Variants in CCDC180 observed in about 807,000 individuals in gnomAD.
CCDC180 encodes coiled-coil domain-containing protein 180.
Under a neutral mutation model 209.2 loss-of-function variants are expected in CCDC180, and 154 were observed. The observed-to-expected ratio is 0.74, with a 90% CI of 0.65 to 0.84. The LOEUF is 0.84. Among genes scored for constraint, CCDC180 ranks in the 40% least tolerant of loss-of-function variants. The pLI is 0.00. For missense variants in CCDC180, 1,874 were observed against 1,997.3 expected (o/e 0.94, Z 1.18); for synonymous variants, 778 against 749.1 (o/e 1.04, Z -0.63).
Position 97,366,741 on chromosome 9 carries a change from G to A in CCDC180, c.4189+41G>A, listed in dbSNP as rs779532357. 6.2e-7 allele frequency: 1 copy of A among 1,603,174 alleles called. No individual in the cohort carries two copies. Among genetic ancestry groups the A allele is most frequent in the South Asian group, 1.1e-5 (1 of 89,376 alleles). ...AGGAAGGCACGGGGAACAGGGCGGG[G>A]CGCGAAGCCAGTGGTGGAGCTCGGC... On this transcript the variant is annotated intron_variant, in intron 31 of 36. Transcript: ENST00000529487. The surrounding 1 kb of genome is among the most constrained non-coding windows in gnomAD (Gnocchi z 4.3).
intron 12 of CCDC180, 22 bp downstream of exon 12, chr9:97,322,943 C>G (rs1160024081): frequency 1.2e-6 from 2 of 1,603,712 alleles, no homozygotes; most frequent in Non-Finnish European, 8.5e-7. Context: ...TCCTGCAGGC[C>G]TGAGAAGAGG....
rs997033364 is a variant in CCDC180, at chr9:97,343,248, G to C, written c.2275-92G>C. ...GCCCATAATCTTGGCCCAAAATTTGGTTTACAACCTCTGATATCAAGGAAC... is the reference window on the plus strand; with the variant it reads ...GCCCATAATCTTGGCCCAAAATTTGCTTTACAACCTCTGATATCAAGGAAC... On this transcript the variant is annotated intron_variant, in intron 18 of 36. Coordinates refer to ENST00000529487, the MANE Select transcript of CCDC180 (RefSeq NM_020893.6). The C allele has an allele frequency of 9.7e-6, 8 of 820,592 alleles. No homozygotes were observed. In the African/African-American group the frequency reaches 1.4e-4, roughly 14 times the overall value. 50.8% of individuals were successfully genotyped at this position (820,592 alleles called of 1,614,324 possible).
chr9:97,351,624 G>A (rs1367006438), intron 22 of CCDC180, among the ~76,000 whole-genome samples: 1 of 152,080 alleles, frequency 6.6e-6, no homozygotes, highest in East Asian at 1.9e-4. Context: ...AGTACAAAGT[G>A]GAAGCCCTCC....
intron 18 of CCDC180, among the ~76,000 whole-genome samples, chr9:97,334,415 C>T (rs566472278): frequency 3.9e-5 from 6 of 152,124 alleles, no homozygotes; most frequent in African/African-American, 9.7e-5. Flanking sequence ...GTATAGACAA[C>T]GAATCTGAGA....
rs762673247 is a variant in CCDC180 at position 97,308,088 on chromosome 9, C to A, written c.25C>A (p.Gln9Lys). The part of the protein sequence containing the change: MSSVGKVT[Q>K]VPNGKAYQQI... ...GATGTCGTCAGTGGGGAAGGTGACC[C>A]AGGTTCCGAATGGGAAAGCCTACCA... is the stretch of plus-strand genomic sequence containing the variant. Residue 9 changes from glutamine (Q) to lysine (K), a missense_variant, in exon 2 of 37, where the codon CAG (glutamine) becomes AAG (lysine). Gln to Lys is a moderately conservative substitution (Grantham distance 53). Coordinates refer to ENST00000529487, the MANE Select transcript of CCDC180 (RefSeq NM_020893.6). The A allele has an allele frequency of 6.2e-7, 1 of 1,613,106 alleles. No individual in the cohort carries two copies. Among genetic ancestry groups the A allele is most frequent in the South Asian group, 1.1e-5 (1 of 90,916 alleles).
intron 18 of CCDC180, among the ~76,000 whole-genome samples, chr9:97,338,414 T>C (rs1282888311): frequency 6.6e-6 from 1 of 152,206 alleles, no homozygotes; most frequent in Non-Finnish European, 1.5e-5. Context: ...TTCATTTCGT[T>C]ATTTACCTGG....
intron 3 of CCDC180, among the ~76,000 whole-genome samples, chr9:97,309,871 TA>T (rs1160246917): frequency 6.6e-6 from 1 of 151,960 alleles, no homozygotes; most frequent in African/African-American, 2.4e-5. Flanking sequence ...ACCTCGAAAG[TA>T]AATAAATAAG....
intron 11 of CCDC180, among the ~76,000 whole-genome samples, chr9:97,322,629 G>A (rs1167289724): frequency 6.6e-6 from 1 of 152,200 alleles, no homozygotes; most frequent in Non-Finnish European, 1.5e-5. Flanking sequence ...AACAGATAAG[G>A]ACAAGCTCTT....
Position 97,357,673 on chromosome 9 carries a change from A to T in CCDC180, c.3311A>T (p.Gln1104Leu), listed in dbSNP as rs761863567. 4.3e-6 allele frequency: 7 copies of T among 1,613,730 alleles called. No individual in the cohort carries two copies. In the South Asian group the frequency reaches 7.7e-5, roughly 18 times the overall value. ...SQTNGLNFSL[Q>L]QLQNKIKTCQ... ...ACAAATGGATTAAATTTCTCTCTGC[A>T]ACAGCTTCAGAACAAGATAAAAACT... The change falls in exon 25 of 37, where the codon CAA becomes CTA. Residue 1104 changes from glutamine to leucine, a missense_variant. Gln to Leu is a moderately radical substitution (Grantham distance 113). Transcript: ENST00000529487.
intron 21 of CCDC180, among the ~76,000 whole-genome samples, chr9:97,349,657 A>G (rs1264250431): frequency 1.3e-5 from 2 of 152,144 alleles, no homozygotes; most frequent in African/African-American, 2.4e-5. Context: ...GAAAGATGGG[A>G]GAGGGTTGAA....
At position 97,314,664 on chromosome 9, in the gene CCDC180, G is replaced by A. The variant is rs758716537; in HGVS notation, c.635G>A (p.Arg212Gln). 2.7e-5 allele frequency: 43 copies of A among 1,613,934 alleles called. No homozygotes were observed. Among genetic ancestry groups the A allele is most frequent in the Admixed American group, 8.3e-5 (5 of 59,996 alleles). The change falls in exon 7 of 37, where the codon CGG becomes CAG. Residue 212 changes from arginine to glutamine, a missense_variant. Arg to Gln is a conservative substitution (Grantham distance 43). Transcript: ENST00000529487. ...WDKVAGRLLLRKQEIKELDEA... is the reference protein window; with the variant it reads ...WDKVAGRLLLQKQEIKELDEA... Reference sequence around the variant, plus strand: ...AAGGTGGCCGGGCGGTTACTGCTCCGGAAGCAGGAGATTAAGGAGCTGGAT... The same window carrying A: ...AAGGTGGCCGGGCGGTTACTGCTCCAGAAGCAGGAGATTAAGGAGCTGGAT...
intron 36 of CCDC180, 99 bp downstream of exon 36, chr9:97,375,688 TG>T: frequency 6.7e-7 from 1 of 1,498,636 alleles, no homozygotes. Flanking sequence ...AACATTTGGC[TG>T]GTGCAGCAGG....
At chr9:97,311,996 T>C (rs1312178021) in intron 3 of CCDC180, 117 bp from the exon 4 acceptor site, 2 of 828,630 alleles carry the variant, frequency 2.4e-6, no homozygotes, top group East Asian at 2.5e-5. Context: ...GTGTGCCTGG[T>C]CCATTGCTGC....
rs1826937437 is a variant in CCDC180, at chr9:97,366,812, G to A, written c.4189+112G>A. ...CCTCCCCTCTGGGGGAGGCAGAAGA[G>A]CTTCCCTGTGAAAAGCTGACCTCTT... On this transcript the variant is annotated intron_variant, in intron 31 of 36. Coordinates refer to ENST00000529487, the MANE Select transcript of CCDC180 (RefSeq NM_020893.6). This position sits in a 1 kb window ranked among gnomAD's most constrained non-coding sequence, Gnocchi z 4.3. The A allele has an allele frequency of 8.7e-7, 1 of 1,145,492 alleles. No homozygotes were observed. The highest frequency in any genetic ancestry group is 1.2e-6 in the Non-Finnish European group (1 of 837,972). 71.0% of individuals were successfully genotyped at this position (1,145,492 alleles called of 1,614,324 possible).
At chr9:97,310,420 G>T (rs779444780) in intron 3 of CCDC180, among the ~76,000 whole-genome samples, 30 of 152,142 alleles carry the variant, frequency 2.0e-4, no homozygotes, top group Non-Finnish European at 3.8e-4. Context: ...AGCAGGCGGG[G>T]GTCAGGCATG....
intron 9 of CCDC180, among the ~76,000 whole-genome samples, chr9:97,317,574 C>T (rs374212346): frequency 5.3e-5 from 8 of 152,102 alleles, no homozygotes; most frequent in African/African-American, 1.4e-4. Context: ...GTATAATTTC[C>T]ACTCTTTATT....
chr9:97,312,540 C>T lies in CCDC180; in HGVS notation c.349+339C>T, dbSNP rs1026394941. Among the ~76,000 whole-genome samples, 21 of 152,310 alleles carry T rather than the reference C, an allele frequency of 1.4e-4. No individual in the cohort carries two copies. In the East Asian group the frequency reaches 3.7e-3, roughly 27 times the overall value. On this transcript the variant is annotated intron_variant, in intron 4 of 36. Coordinates refer to ENST00000529487, the MANE Select transcript of CCDC180 (RefSeq NM_020893.6). ...CTGCATTGTCCTAGTTTGACCTTAT[C>T]CTAATATAGAAACCTTTTTTCTTTA...
At chr9:97,358,876 A>G (rs913001646) in intron 25 of CCDC180, among the ~76,000 whole-genome samples, 2 of 152,092 alleles carry the variant, frequency 1.3e-5, no homozygotes, top group African/African-American at 2.4e-5. Flanking sequence ...TTGCAGTTCT[A>G]TTATTAGCAC....
chr9:97,354,467 C>A, intron 22 of CCDC180, 102 bp from the exon 23 acceptor site: 1 of 1,189,376 alleles, frequency 8.4e-7, no homozygotes, highest in Non-Finnish European at 1.2e-6. Flanking sequence ...TGAACTCTAA[C>A]CGGAAGCCTA....
Sources: allele counts gnomAD v4.1 joint callset (sites outside exome capture counted in the v4.1 genomes callset), GRCh38; gene constraint gnomAD v4.1.1; non-coding constraint Gnocchi (gnomAD v3.1); transcripts MANE v1.5; gene names NCBI Gene and HGNC (gene_info 2026-07-23, HGNC 2026-07-21).